Variants in LAMP5 observed in about 807,000 individuals in gnomAD.
LAMP5 encodes lysosome-associated membrane glycoprotein 5.
LAMP5 carries 36 observed loss-of-function variants against 30.2 expected under a neutral mutation model. The observed-to-expected ratio is 1.19, with a 90% CI of 0.91 to 1.57. The LOEUF is 1.57. LAMP5 is among the 40% of genes most tolerant of loss of function. The probability of loss-of-function intolerance (pLI) is 0.00; values close to 1 mark genes in which losing one functional copy is unlikely to be tolerated. For synonymous variants in LAMP5, 149 were observed against 134.6 expected (o/e 1.11, Z -0.74); for missense variants, 377 against 354.9 (o/e 1.06, Z -0.50).
rs565381084 is a variant in LAMP5, at chr20:9,528,744, G to C, written c.665-898G>C. ...TACAATATTTCCAACACAGGTGAAA[G>C]TTCCCTTGTTTTCCTTTCCCCAGAT... is the stretch of plus-strand genomic sequence containing the variant. On this transcript the variant is annotated intron_variant, in intron 5 of 5. Transcript: ENST00000246070. Among the ~76,000 whole-genome samples, 9 of 152,262 alleles carry C rather than the reference G, an allele frequency of 5.9e-5. No homozygotes were observed. The South Asian group carries it at 1.9e-3, about 32-fold the overall frequency.
rs756322393 is a variant in LAMP5 at position 9,515,639 on chromosome 20, C to T, written c.237+14C>T. ...AACTACGTAGATGTAAGGAATCTTTCCCCCCCCTCAGCTTGCTCCTAGGGC... is the reference window on the plus strand; with the variant it reads ...AACTACGTAGATGTAAGGAATCTTTTCCCCCCCTCAGCTTGCTCCTAGGGC... On this transcript the variant is annotated intron_variant, in intron 2 of 5. Transcript: ENST00000246070. 11 of 1,553,052 alleles carry T rather than the reference C, an allele frequency of 7.1e-6. No homozygotes were observed. The highest frequency in any genetic ancestry group is 2.2e-5 in the South Asian group (2 of 89,556).
At position 9,516,452 on chromosome 20, in the gene LAMP5, C is replaced by T. The variant is rs1044741204; in HGVS notation, c.475+91C>T. The T allele has an allele frequency of 7.1e-6, 8 of 1,131,728 alleles. No individual in the cohort carries two copies. In the African/African-American group the frequency reaches 1.2e-4, roughly 17 times the overall value. 70.1% of individuals were successfully genotyped at this position (1,131,728 alleles called of 1,614,324 possible). A position where few individuals can be genotyped will look rare whatever the true frequency, so the allele number is the denominator to read the frequency against. On this transcript the variant is annotated intron_variant, in intron 4 of 5. Transcript: ENST00000246070. ...ATTCCTCAAGGTTTTGGAAACCGTCCCACGCTTTGAGGTCCCAGGCCAAGT... is the reference window on the plus strand; with the variant it reads ...ATTCCTCAAGGTTTTGGAAACCGTCTCACGCTTTGAGGTCCCAGGCCAAGT...
In LAMP5 at chr20:9,515,474, C is replaced by A; in HGVS notation, c.86C>A (p.Ala29Glu). The A allele has an allele frequency of 6.2e-7, 1 of 1,613,858 alleles. No homozygotes were observed. The highest frequency in any genetic ancestry group is 8.5e-7 in the Non-Finnish European group (1 of 1,179,872). ...MLFHTMAQIM[A>E]EQEVENLSGL... ...GCAGATACAATGGCTCAAATCATGG[C>A]AGAACAAGAAGTGGAAAATCTCTCA... The change falls in exon 2 of 6, where the codon GCA (alanine) becomes GAA (glutamate). Residue 29 changes from alanine to glutamate, a missense_variant. By Grantham distance (107) the Ala-to-Glu change is moderately radical (BLOSUM62 -1). Coordinates refer to ENST00000246070, the MANE Select transcript of LAMP5 (RefSeq NM_012261.4).
At chr20:9,515,084 G>T (rs1291295524) in intron 1 of LAMP5, 168 bp downstream of exon 1, 2 of 670,902 alleles carry the variant, frequency 3.0e-6, no homozygotes, top group East Asian at 2.7e-5. Context: ...CTCGCCGGTG[G>T]CAGGGAATTC....
intron 2 of LAMP5, 29 bp downstream of exon 2, chr20:9,515,654 G>A: frequency 6.2e-7 from 1 of 1,607,476 alleles, no homozygotes; most frequent in East Asian, 2.2e-5. Flanking sequence ...CCCTCAGCTT[G>A]CTCCTAGGGC....
At chr20:9,518,496 C>T (rs2045058314) in intron 5 of LAMP5, among the ~76,000 whole-genome samples, 1 of 152,196 alleles carries the variant, frequency 6.6e-6, no homozygotes, top group Admixed American at 6.5e-5. Context: ...TTGTTTCCTC[C>T]TTCTTCTTTT....
chr20:9,518,448 G>A lies in LAMP5; in HGVS notation c.664+220G>A, dbSNP rs963707847. Among the ~76,000 whole-genome samples, 12 of 152,078 alleles carry A rather than the reference G, an allele frequency of 7.9e-5. 1 individual carries two copies. The highest frequency in any genetic ancestry group is 5.2e-4 in the Admixed American group (8 of 15,264). The stretch of plus-strand genomic sequence containing the variant: ...CTTTCTCCCTCCCAGCCTCCTCCCC[G>A]TTTACCTTCACTTTAGTCCTTTCTT... On this transcript the variant is annotated intron_variant, in intron 5 of 5. Transcript: ENST00000246070.
chr20:9,518,010 T>TCTGCCAGCAGGAGGGGC (rs143992809), intron 4 of LAMP5, 30 bp from the exon 5 acceptor site: 609,186 of 1,590,336 alleles, frequency 0.38, 123,224 homozygotes, highest in African/African-American at 0.71. Context: ...CAATGAGGGT[T>TCTGCCAGCAGGAGGGGC]CTAACTATTG....
Position 9,514,870 on chromosome 20 carries a change from A to G in LAMP5, c.18A>G (p.Arg6=). 6.2e-7 allele frequency: 1 copy of G among 1,614,164 alleles called. No individual in the cohort carries two copies. The highest frequency in any genetic ancestry group is 8.5e-7 in the Non-Finnish European group (1 of 1,180,006). Residue 6 remains arginine (R), a synonymous_variant, in exon 1 of 6, where the codon AGA becomes AGG. Coordinates refer to ENST00000246070, the MANE Select transcript of LAMP5 (RefSeq NM_012261.4). ...CTGCGAGTATGGATCTCCAAGGAAG[A>G]GGGGTCCCCAGCATCGACAGACTTC... MDLQG[R]GVPSIDRLRV... is the part of the protein sequence containing the mutation.
chr20:9,524,699 T>C (rs1233056642), intron 5 of LAMP5, among the ~76,000 whole-genome samples: 1 of 151,912 alleles, frequency 6.6e-6, no homozygotes, highest in Non-Finnish European at 1.5e-5. Context: ...GTGCACAATT[T>C]ATATATTACA....
In LAMP5 at chr20:9,515,773, T is replaced by TTGTC. The variant is rs1428200455; in HGVS notation, c.237+151_237+152insCTGT. 22 of 986,856 alleles carry TTGTC rather than the reference T, an allele frequency of 2.2e-5. No individual in the cohort carries two copies. The Admixed American group carries it at 5.7e-4, about 25-fold the overall frequency. The allele number at this position is 986,856 out of a possible 1,614,324, so 61.1% of individuals were successfully genotyped here. On this transcript the variant is annotated intron_variant, in intron 2 of 5. Coordinates refer to ENST00000246070, the MANE Select transcript of LAMP5 (RefSeq NM_012261.4). ...CCGAATGCTGCATGGGGATTCCAGCTTGTAATGCCTTCTGTTCCCCTGCCT... is the reference window on the plus strand; with the variant it reads ...CCGAATGCTGCATGGGGATTCCAGCTTGTCTGTAATGCCTTCTGTTCCCCTGCCT...
At chr20:9,522,489 G>C (rs1451531935) in intron 5 of LAMP5, among the ~76,000 whole-genome samples, 2 of 152,196 alleles carry the variant, frequency 1.3e-5, no homozygotes, top group African/African-American at 4.8e-5. Flanking sequence ...TGAGTAAGCA[G>C]CCAACGGTAA....
At chr20:9,517,140 C>T (rs927570223) in intron 4 of LAMP5, among the ~76,000 whole-genome samples, 3 of 152,210 alleles carry the variant, frequency 2.0e-5, no homozygotes, top group African/African-American at 7.2e-5. Flanking sequence ...CTTTTCACCC[C>T]TTTTTGTTAT....
intron 5 of LAMP5, among the ~76,000 whole-genome samples, chr20:9,527,679 C>T (rs2045123368): frequency 6.6e-6 from 1 of 152,174 alleles, no homozygotes; most frequent in East Asian, 1.9e-4. Flanking sequence ...TAAAAGGCCA[C>T]CAGTTACCCA....
intron 5 of LAMP5, among the ~76,000 whole-genome samples, chr20:9,525,372 T>C (rs1054637146): frequency 4.6e-5 from 7 of 152,208 alleles, no homozygotes; most frequent in Admixed American, 3.3e-4. Context: ...TGCTTGGCCT[T>C]CTGTAGTATG....
intron 5 of LAMP5, among the ~76,000 whole-genome samples, chr20:9,522,970 A>ATATT (rs2045088888): frequency 8.3e-6 from 1 of 119,972 alleles, no homozygotes; most frequent in African/African-American, 3.9e-5. Flanking sequence ...TAATACTTAA[A>ATATT]TCTTTTTTTT....
intron 5 of LAMP5, among the ~76,000 whole-genome samples, chr20:9,523,971 T>C (rs2045095341): frequency 6.6e-6 from 1 of 152,258 alleles, no homozygotes; most frequent in East Asian, 1.9e-4. Flanking sequence ...GATTAATATT[T>C]AGCATTTTCT....
Position 9,529,757 on chromosome 20 carries a change from C to T in LAMP5, c.780C>T (p.His260=), listed in dbSNP as rs765162636. Reference sequence around the variant, plus strand: ...CACTCGCGATTTACCACGTCCACCACAAAATGACTGCCAACCAGGTGCAGA... The same window carrying T: ...CACTCGCGATTTACCACGTCCACCATAAAATGACTGCCAACCAGGTGCAGA... ...MVTLAIYHVH[H]KMTANQVQIP... The change falls in exon 6 of 6, where the codon CAC becomes CAT. Residue 260 remains histidine (H), a synonymous_variant. Transcript: ENST00000246070. 3.1e-6 allele frequency: 5 copies of T among 1,614,122 alleles called. No homozygotes were observed. The African/African-American group carries it at 5.3e-5, about 17-fold the overall frequency.
rs897739858 is a variant in LAMP5, at chr20:9,514,628, G to C, written c.-225G>C. 66 of 496,676 alleles carry C rather than the reference G, an allele frequency of 1.3e-4. 1 individual carries two copies. In the South Asian group the frequency reaches 1.6e-3, roughly 12 times the overall value. 30.8% of individuals were successfully genotyped at this position (496,676 alleles called of 1,614,324 possible). ...CACTCGCAGCCGTGGACCGCCGTGC[G>C]GTCCTTTCCTCCGCAGTGAGCCGAT... On this transcript the variant is annotated 5_prime_UTR_variant, in exon 1 of 6. Transcript: ENST00000246070.
Sources: allele counts gnomAD v4.1 joint callset (sites outside exome capture counted in the v4.1 genomes callset), GRCh38; gene constraint gnomAD v4.1.1; transcripts MANE v1.5; gene names NCBI Gene and HGNC (gene_info 2026-07-23, HGNC 2026-07-21).